The following SGCZ variants were observed in gnomAD, a reference collection of about 807,000 sequenced individuals.
SGCZ encodes zeta-sarcoglycan.
In SGCZ, 40 loss-of-function variants were observed where a neutral mutation model predicts 41.3. The ratio of observed to expected loss-of-function variants is 0.97; its 90% CI spans 0.75 to 1.26. The LOEUF (loss-of-function observed/expected upper bound fraction) is 1.26. Ranked by LOEUF, SGCZ falls within the 50% of genes most tolerant of loss-of-function variation. SGCZ has a pLI of 0.00. For missense variants in SGCZ, 552 were observed against 369.8 expected, an observed-to-expected ratio of 1.49 and a Z score of -4.04; for synonymous variants, 206 against 137.5, an observed-to-expected ratio of 1.50 and a Z score of -3.49.
chr8:14,229,409 T>C (rs1806483939), intron 4 of SGCZ, among the ~76,000 whole-genome samples: 1 of 152,104 alleles, frequency 6.6e-6, no homozygotes, highest in Non-Finnish European at 1.5e-5. Context: ...CTTGTCCTGA[T>C]ATCACAGGCA....
chr8:14,563,584 G>A (rs1222691668), intron 1 of SGCZ, among the ~76,000 whole-genome samples: 4 of 152,142 alleles, frequency 2.6e-5, no homozygotes, highest in Non-Finnish European at 5.9e-5. Flanking sequence ...CTAAATGTGT[G>A]CCACAGGTTT....
chr8:14,503,087 C>T (rs1802201981), intron 2 of SGCZ, among the ~76,000 whole-genome samples: 1 of 152,156 alleles, frequency 6.6e-6, no homozygotes, highest in Admixed American at 6.6e-5. Context: ...AAATGTGGCA[C>T]ATACACACCA....
In SGCZ at chr8:14,515,641, A is replaced by G. The variant is rs76146348; in HGVS notation, c.234+39091T>C. Among the ~76,000 whole-genome samples, 1,444 of 152,200 alleles carry G rather than the reference A, an allele frequency of 9.5e-3. 27 individuals are homozygous for G. Among genetic ancestry groups the G allele is most frequent in the African/African-American group, 0.034 (1,392 of 41,550 alleles). On this transcript the variant is annotated intron_variant, in intron 2 of 7. Coordinates refer to ENST00000382080, the MANE Select transcript of SGCZ (RefSeq NM_139167.4). ...AAACATCATAAGTGTTATTTTGTCT[A>G]TCTGTAAGTTTATGTGAGTGAAAAT...
intron 1 of SGCZ, among the ~76,000 whole-genome samples, chr8:15,010,621 T>C (rs1174975113): frequency 1.3e-5 from 2 of 152,194 alleles, no homozygotes; most frequent in African/African-American, 4.8e-5. Flanking sequence ...TTGACTGGAA[T>C]GAAAGTTCTT....
At chr8:15,027,791 G>T (rs572561246) in intron 1 of SGCZ, among the ~76,000 whole-genome samples, 1 of 151,758 alleles carries the variant, frequency 6.6e-6, no homozygotes, top group African/African-American at 2.4e-5. Flanking sequence ...GAAGGGAGAG[G>T]GATAAAAAAG....
chr8:14,397,344 C>T (rs916965569), intron 2 of SGCZ, among the ~76,000 whole-genome samples: 4 of 152,026 alleles, frequency 2.6e-5, no homozygotes, highest in Non-Finnish European at 5.9e-5. Flanking sequence ...AATTAGGTCT[C>T]CTTCCCAATT....
chr8:15,195,481 C>G (rs1800693083), intron 1 of SGCZ, among the ~76,000 whole-genome samples: 1 of 152,220 alleles, frequency 6.6e-6, no homozygotes, highest in South Asian at 2.1e-4. Context: ...TCAGCTCTCT[C>G]TAACCTGAGC....
At chr8:14,616,932 T>C (rs772386671) in intron 1 of SGCZ, among the ~76,000 whole-genome samples, 8 of 152,176 alleles carry the variant, frequency 5.3e-5, no homozygotes, top group Admixed American at 2.0e-4. Context: ...GGTTGTTCTC[T>C]GCTATTTCCC....
At chr8:15,067,916 T>A (rs2131022852) in intron 1 of SGCZ, among the ~76,000 whole-genome samples, 1 of 152,194 alleles carries the variant, frequency 6.6e-6, no homozygotes, top group Middle Eastern at 3.4e-3. Flanking sequence ...ATGGGAAGAA[T>A]AAAAATGACC....
chr8:14,537,454 C>T (rs760336273), intron 2 of SGCZ, among the ~76,000 whole-genome samples: 10 of 151,848 alleles, frequency 6.6e-5, no homozygotes, highest in Non-Finnish European at 1.3e-4. Context: ...AAGTTATAAG[C>T]TATTTCTTCA....
intron 1 of SGCZ, among the ~76,000 whole-genome samples, chr8:14,758,483 C>T (rs1799757025): frequency 6.6e-6 from 1 of 152,150 alleles, no homozygotes; most frequent in Non-Finnish European, 1.5e-5. Flanking sequence ...TACAGACTAA[C>T]ATTCGAATTG....
At position 14,197,208 on chromosome 8, in the gene SGCZ, A is replaced by T. The variant is rs902651100; in HGVS notation, c.425-32506T>A. Among the ~76,000 whole-genome samples the T allele has an allele frequency of 2.6e-5, 4 of 152,252 alleles. No individual in the cohort carries two copies. The East Asian group carries it at 5.8e-4, about 22-fold the overall frequency. On this transcript the variant is annotated intron_variant, in intron 4 of 7. Coordinates refer to ENST00000382080, the MANE Select transcript of SGCZ (RefSeq NM_139167.4). ...TAATAATGGCATAATAACTAATTCT[A>T]CTAAATATTTAAGCAAAAAATAATA...
chr8:14,975,065 G>C (rs1260358204), intron 1 of SGCZ, among the ~76,000 whole-genome samples: 8 of 152,174 alleles, frequency 5.3e-5, no homozygotes, highest in African/African-American at 1.4e-4. Context: ...CCAGCACTTT[G>C]GGAGGCCGAG....
chr8:14,392,658 T>C (rs1804817072), intron 2 of SGCZ, among the ~76,000 whole-genome samples: 1 of 152,168 alleles, frequency 6.6e-6, no homozygotes, highest in African/African-American at 2.4e-5. Context: ...TTACTTGAAA[T>C]ACATGAATAA....
At chr8:15,107,390 A>C (rs570669346) in intron 1 of SGCZ, among the ~76,000 whole-genome samples, 1 of 152,328 alleles carries the variant, frequency 6.6e-6, no homozygotes, top group Non-Finnish European at 1.5e-5. Flanking sequence ...GAGATCCCTC[A>C]TGCATAGATT....
At chr8:14,323,037 G>A (rs929675004) in intron 3 of SGCZ, among the ~76,000 whole-genome samples, 5 of 152,010 alleles carry the variant, frequency 3.3e-5, no homozygotes, top group Non-Finnish European at 7.4e-5. Context: ...ACGATACCCA[G>A]AAACTAAAGG....
At chr8:14,699,667 G>A (rs186994195) in intron 1 of SGCZ, among the ~76,000 whole-genome samples, 6 of 151,956 alleles carry the variant, frequency 3.9e-5, no homozygotes, top group Admixed American at 1.3e-4. Flanking sequence ...ACCATCAGGA[G>A]AGTAAAGATA....
At chr8:15,150,507 T>C (rs1418953982) in intron 1 of SGCZ, among the ~76,000 whole-genome samples, 2 of 152,068 alleles carry the variant, frequency 1.3e-5, no homozygotes, top group African/African-American at 4.8e-5. Flanking sequence ...TAATTCCCCC[T>C]CCCTACTCAC....
intron 1 of SGCZ, among the ~76,000 whole-genome samples, chr8:14,883,095 C>T (rs1804655222): frequency 6.6e-6 from 1 of 151,916 alleles, no homozygotes; most frequent in Non-Finnish European, 1.5e-5. Flanking sequence ...GGTAAATTTA[C>T]ATGGTCTCTT....
Sources: gnomAD v4.1 joint callset for allele counts (sites outside exome capture counted in the v4.1 genomes callset) on GRCh38, gnomAD v4.1.1 for gene constraint, MANE v1.5 for transcripts, NCBI Gene and HGNC (gene_info 2026-07-23, HGNC 2026-07-21) for gene names.